Variants in ZNF12 observed in about 807,000 individuals in gnomAD.
The protein encoded by ZNF12 is gonadotropin inducible transcription repressor 3.
Under a neutral mutation model 66.6 loss-of-function variants are expected in ZNF12, and 34 were observed. The observed-to-expected ratio is 0.51, with a 90% CI of 0.39 to 0.68. The LOEUF is 0.68. ZNF12 is among the 30% of genes least tolerant of loss of function. The pLI, the probability that ZNF12 is intolerant of heterozygous loss-of-function variation, is 0.00. For missense variants in ZNF12, 697 were observed against 826.9 expected, an observed-to-expected ratio of 0.84 and a Z score of 1.93; for synonymous variants, 320 against 278.9, an observed-to-expected ratio of 1.15 and a Z score of -1.47.
At chr7:6,702,504 AC>A (rs1423287066) in intron 2 of ZNF12, among the ~76,000 whole-genome samples, 15 of 23,538 alleles carry the variant, frequency 6.4e-4, no homozygotes, top group South Asian at 1.5e-3. Context: ...ACACACACAC[AC>A]ACAGATTTAT....
Position 6,691,686 on chromosome 7 carries a change from C to T in ZNF12, c.1256G>A (p.Cys419Tyr). The change falls in exon 5 of 5, where the codon TGC (cysteine) becomes TAC (tyrosine). Residue 419 changes from cysteine to tyrosine, a missense_variant. Physicochemically the swap from Cys to Tyr is radical, Grantham distance 194. Around this residue, in one of 3 missense-constraint regions of ZNF12, gnomAD observed 401 missense variants for 519.0 expected, o/e 0.77. Coordinates refer to ENST00000405858, the MANE Select transcript of ZNF12 (RefSeq NM_016265.4). ...YKCSECGKCF[C>Y]RKSTLTTHLR... ...GTGGGTCGTGAGAGTAGACTTGCGGCAGAAGCATTTCCCACATTCACTACA... is the reference window on the plus strand; with the variant it reads ...GTGGGTCGTGAGAGTAGACTTGCGGTAGAAGCATTTCCCACATTCACTACA... 1 of 1,613,804 alleles carries T rather than the reference C, an allele frequency of 6.2e-7. No individual in the cohort carries two copies. The highest frequency in any genetic ancestry group is 2.2e-5 in the East Asian group (1 of 44,856).
chr7:6,691,599 C>T lies in ZNF12; in HGVS notation c.1343G>A (p.Arg448Gln), dbSNP rs772756522. 4.3e-6 allele frequency: 7 copies of T among 1,612,888 alleles called. No individual in the cohort carries two copies. Among genetic ancestry groups the T allele is most frequent in the East Asian group, 2.2e-5 (1 of 44,772 alleles). The change falls in exon 5 of 5, where the codon CGG becomes CAG. Residue 448 changes from arginine to glutamine, a missense_variant. Coordinates refer to ENST00000405858, the MANE Select transcript of ZNF12 (RefSeq NM_016265.4). ...ATAATGTACAGTGAGATATGACAAC[C>T]GAGAGAAGAATTTTCCACACTCATT... ...ECNECGKFFS[R>Q]LSYLTVHYRT...
intron 2 of ZNF12, among the ~76,000 whole-genome samples, chr7:6,700,304 TAC>T (rs71539972): frequency 0.02 from 2,596 of 128,860 alleles, 64 homozygotes; most frequent in African/African-American, 0.053. Context: ...AAAAAAAATA[TAC>T]ACACACACAC....
chr7:6,698,018 C>G lies in ZNF12; in HGVS notation c.16-207G>C. The G allele has an allele frequency of 1.3e-6, 1 of 773,026 alleles. No homozygotes were observed. Among genetic ancestry groups the G allele is most frequent in the Non-Finnish European group, 2.3e-6 (1 of 431,574 alleles). The allele number at this position is 773,026 out of a possible 1,614,324, so 47.9% of individuals were successfully genotyped here. ...AAACAAAAAACAAAAAACAAAAAAA[C>G]AACACTGGGATTGCACGGTGAGCCA... On this transcript the variant is annotated intron_variant, in intron 2 of 4. Transcript: ENST00000405858. This position sits in a 1 kb window ranked among gnomAD's most constrained non-coding sequence, Gnocchi z 4.4.
intron 1 of ZNF12, 139 bp downstream of exon 1, chr7:6,706,293 G>A (rs1055910824): frequency 4.6e-5 from 19 of 416,358 alleles, no homozygotes; most frequent in Admixed American, 7.4e-5. Flanking sequence ...CGTCCTCGCC[G>A]GACCCTGCCT....
At position 6,696,959 on chromosome 7, in the gene ZNF12, C is replaced by T. The variant is rs995394460; in HGVS notation, c.238+380G>A. Among the ~76,000 whole-genome samples the T allele has an allele frequency of 4.7e-5, 7 of 149,104 alleles. No individual in the cohort carries two copies. The highest frequency in any genetic ancestry group is 7.4e-5 in the Non-Finnish European group (5 of 67,524). ...TCCAGAAACAGTCTCAGGCACTGCA[C>T]GGTAAAGATTAAAAAAAAAAAACCA... On this transcript the variant is annotated intron_variant, in intron 4 of 4. Coordinates refer to ENST00000405858, the MANE Select transcript of ZNF12 (RefSeq NM_016265.4). This position sits in a 1 kb window ranked among gnomAD's most constrained non-coding sequence, Gnocchi z 4.0.
intron 4 of ZNF12, among the ~76,000 whole-genome samples, chr7:6,695,451 C>T (rs1223413333): frequency 6.6e-6 from 1 of 152,074 alleles, no homozygotes; most frequent in Non-Finnish European, 1.5e-5. Context: ...AAGCAATCCT[C>T]CTGCCTCAGC....
At chr7:6,695,599 A>C (rs1780142586) in intron 4 of ZNF12, among the ~76,000 whole-genome samples, 1 of 151,800 alleles carries the variant, frequency 6.6e-6, no homozygotes. Flanking sequence ...AGATAATCAA[A>C]GAAAGAAAGA....
chr7:6,698,167 A>G lies in ZNF12; in HGVS notation c.16-356T>C, dbSNP rs141928765. The G allele has an allele frequency of 4.6e-4, 205 of 447,656 alleles. 3 individuals carry two copies. Among genetic ancestry groups the G allele is most frequent in the African/African-American group, 3.7e-3 (181 of 49,470 alleles). 27.7% of individuals were successfully genotyped at this position (447,656 alleles called of 1,614,324 possible). A position where few individuals can be genotyped will look rare whatever the true frequency, so the allele number is the denominator to read the frequency against. ...ACTCTGCTTCTTTGCACATTCTTCA[A>G]TTTGCTTCTAGAACATTAATAATGT... On this transcript the variant is annotated intron_variant, in intron 2 of 4. Transcript: ENST00000405858. This position sits in a 1 kb window ranked among gnomAD's most constrained non-coding sequence, Gnocchi z 4.4.
intron 2 of ZNF12, among the ~76,000 whole-genome samples, chr7:6,700,302 T>TAC (rs780908025): frequency 7.3e-4 from 61 of 83,920 alleles, no homozygotes; most frequent in African/African-American, 2.6e-3. Flanking sequence ...AAAAAAAAAA[T>TAC]ATACACACAC....
Position 6,691,449 on chromosome 7 carries a change from CA to C in ZNF12, c.1492del (p.Cys498ValfsTer21), listed in dbSNP as rs1189609892. On this transcript the variant is annotated frameshift_variant, in exon 5 of 5. Transcript: ENST00000405858. LOFTEE classifies it high-confidence loss of function. ...TGEKPYECNE[C>X]GKLFSQLSYL... ...TGACAACTGGGAGAATAACTTTCCA[CA>C]TTCATTACATTCGTAAGGTTTCTCT... is the stretch of plus-strand genomic sequence containing the variant. 1.2e-6 allele frequency: 2 copies of C among 1,613,992 alleles called. No individual in the cohort carries two copies. Among genetic ancestry groups the C allele is most frequent in the Non-Finnish European group, 1.7e-6 (2 of 1,179,994 alleles).
Position 6,701,502 on chromosome 7 carries a change from C to T in ZNF12, c.15+3657G>A, listed in dbSNP as rs566945502. On this transcript the variant is annotated intron_variant, in intron 2 of 4. Transcript: ENST00000405858. ...AGAAACACCAGTATCATGACACAAG[C>T]TCCCAAAAGAGTAGTATGTTACATT... 4.6e-5 allele frequency among the ~76,000 whole-genome samples: 7 copies of T among 152,232 alleles called. No individual in the cohort carries two copies. The South Asian group carries it at 6.2e-4, about 14-fold the overall frequency.
At chr7:6,704,670 G>A (rs1780320863) in intron 2 of ZNF12, among the ~76,000 whole-genome samples, 2 of 141,742 alleles carry the variant, frequency 1.4e-5, no homozygotes, top group Non-Finnish European at 3.1e-5. Flanking sequence ...AACCTGGGAG[G>A]TGGAGGTTGC....
chr7:6,699,318 G>C (rs1050770121), intron 2 of ZNF12, among the ~76,000 whole-genome samples: 8 of 152,212 alleles, frequency 5.3e-5, no homozygotes, highest in African/African-American at 1.9e-4. Context: ...ATGAGTGCAA[G>C]CTGGGTTCTA....
intron 2 of ZNF12, among the ~76,000 whole-genome samples, chr7:6,700,012 G>A (rs368531273): frequency 7.2e-5 from 11 of 152,080 alleles, no homozygotes; most frequent in South Asian, 4.2e-4. Flanking sequence ...ACGGCCGGGC[G>A]TGGTGGCTCA....
Position 6,691,613 on chromosome 7 carries a change from T to A in ZNF12, c.1329A>T (p.Gly443=). Residue 443 remains glycine, a synonymous_variant, in exon 5 of 5, where the codon GGA becomes GGT. Transcript: ENST00000405858. ...GEKPYECNEC[G]KFFSRLSYLT... is the part of the protein sequence containing the mutation. ...GATATGACAACCGAGAGAAGAATTTTCCACACTCATTACATTCATACGGTT... is the reference window on the plus strand; with the variant it reads ...GATATGACAACCGAGAGAAGAATTTACCACACTCATTACATTCATACGGTT... 6.2e-7 allele frequency: 1 copy of A among 1,614,034 alleles called. No individual in the cohort carries two copies. The highest frequency in any genetic ancestry group is 1.1e-5 in the South Asian group (1 of 91,082).
rs1372217099 is a variant in ZNF12, at chr7:6,689,241, G to A, written c.*1607C>T. 1 of 152,218 alleles carries A rather than the reference G, an allele frequency of 6.6e-6. No individual in the cohort carries two copies. The highest frequency in any genetic ancestry group is 1.5e-5 in the Non-Finnish European group (1 of 68,046). The allele number at this position is 152,218 out of a possible 1,614,324, so 9.4% of individuals were successfully genotyped here. On this transcript the variant is annotated 3_prime_UTR_variant, in exon 5 of 5. Coordinates refer to ENST00000405858, the MANE Select transcript of ZNF12 (RefSeq NM_016265.4). ...TTTGGTGGCTCAAAGACATCATCCA[G>A]GTCTCAGGGTCTTTCAGTATTTCTG...
chr7:6,705,937 G>C lies in ZNF12; in HGVS notation c.-51+495C>G, dbSNP rs1056479011. ...ACTTACGCTCACTTAACTAGGATAC[G>C]GGGGACAGAACACTGGCCTGGGAGA... is the stretch of plus-strand genomic sequence containing the variant. On this transcript the variant is annotated intron_variant, in intron 1 of 4. Transcript: ENST00000405858. The surrounding 1 kb of genome is among the most constrained non-coding windows in gnomAD (Gnocchi z 4.0). Among the ~76,000 whole-genome samples, 3 of 152,066 alleles carry C rather than the reference G, an allele frequency of 2.0e-5. No individual in the cohort carries two copies. The highest frequency in any genetic ancestry group is 3.2e-3 in the Middle Eastern group (1 of 316).
In ZNF12 at chr7:6,690,781, G is replaced by C; in HGVS notation, c.*67C>G. The C allele has an allele frequency of 3.5e-6, 5 of 1,446,974 alleles. No homozygotes were observed. Among genetic ancestry groups the C allele is most frequent in the Non-Finnish European group, 4.6e-6 (5 of 1,086,252 alleles). 89.6% of individuals were successfully genotyped at this position (1,446,974 alleles called of 1,614,324 possible). A position where few individuals can be genotyped will look rare whatever the true frequency, so the allele number is the denominator to read the frequency against. On this transcript the variant is annotated 3_prime_UTR_variant, in exon 5 of 5. Coordinates refer to ENST00000405858, the MANE Select transcript of ZNF12 (RefSeq NM_016265.4). ...GAACTCTCTGATGTACAAGGTGTTT[G>C]ACTTCAGGCAGGAGTTTCTGATTCA...
Sources: allele counts gnomAD v4.1 joint callset (sites outside exome capture counted in the v4.1 genomes callset), GRCh38; gene constraint gnomAD v4.1.1; regional missense constraint gnomAD v4.1.1; non-coding constraint Gnocchi (gnomAD v3.1); transcripts MANE v1.5; gene names NCBI Gene and HGNC (gene_info 2026-07-23, HGNC 2026-07-21).